C3: variants seen among roughly 807,000 people sequenced by gnomAD.
C3 encodes the protein C3 and PZP-like alpha-2-macroglobulin domain-containing protein 1.
C3 carries 97 observed loss-of-function variants against 207.9 expected under a neutral mutation model. The ratio of observed to expected loss-of-function variants is 0.47; its 90% CI spans 0.40 to 0.55. C3 has a LOEUF of 0.55. C3 is among the 20% of genes least tolerant of loss of function. The probability of loss-of-function intolerance (pLI) is 0.00; values close to 1 mark genes in which losing one functional copy is unlikely to be tolerated. For synonymous variants in C3, 848 were observed against 857.6 expected, an observed-to-expected ratio of 0.99 and a Z score of 0.20; for missense variants, 1,684 against 2,171.7, an observed-to-expected ratio of 0.78 and a Z score of 4.46.
At chr19:6,692,736 G>A (rs1193643131) in intron 26 of C3, among the ~76,000 whole-genome samples, 188 bp downstream of exon 26, 3 of 152,122 alleles carry the variant, frequency 2.0e-5, no homozygotes, top group Non-Finnish European at 4.4e-5. Context: ...GGGCTTCGCA[G>A]GTCTCTGGTT....
rs780379656 is a variant in C3 at position 6,690,603 on chromosome 19, A to G, written c.3489+26T>C. 6 of 1,575,012 alleles carry G rather than the reference A, an allele frequency of 3.8e-6. No individual in the cohort carries two copies. The African/African-American group carries it at 6.7e-5, about 18-fold the overall frequency. On this transcript the variant is annotated intron_variant, in intron 27 of 40. Transcript: ENST00000245907. ...TGCTCTGCATCGGGTAAGGTAGGGT[A>G]GGGTGGGAAGATGGAGGGCACTTAC... is the stretch of plus-strand genomic sequence containing the variant.
In C3 at chr19:6,711,014, C is replaced by T. The variant is rs146594928; in HGVS notation, c.1452G>A (p.Glu484=). The change falls in exon 12 of 41, where the codon GAG becomes GAA. Residue 484 remains glutamate, a synonymous_variant. Transcript: ENST00000245907. ...GGTAGGTGTAGTAGCGGATCTTGGCCTCGTGGGCGCGGTCCATTCGCAGGA... is the reference window on the plus strand; with the variant it reads ...GGTAGGTGTAGTAGCGGATCTTGGCTTCGTGGGCGCGGTCCATTCGCAGGA... ...NFLLRMDRAH[E]AKIRYYTYLI... 7.4e-4 allele frequency: 1,199 copies of T among 1,614,128 alleles called. No individual in the cohort carries two copies. The highest frequency in any genetic ancestry group is 9.5e-4 in the Non-Finnish European group (1,121 of 1,180,014).
At chr19:6,700,309 ATT>A (rs965689074) in intron 19 of C3, among the ~76,000 whole-genome samples, 1 of 123,944 alleles carries the variant, frequency 8.1e-6, no homozygotes, top group African/African-American at 2.9e-5. Context: ...TGCAATATAT[ATT>A]ATATGTAATA....
At chr19:6,692,849 G>C in intron 26 of C3, 75 bp downstream of exon 26, 1 of 1,544,346 alleles carries the variant, frequency 6.5e-7, no homozygotes, top group Non-Finnish European at 8.9e-7. Flanking sequence ...ATGGAGGTGG[G>C]GCTCTCTCTC....
At chr19:6,686,317 T>C in intron 28 of C3, 30 bp from the exon 29 acceptor site, 3 of 1,612,316 alleles carry the variant, frequency 1.9e-6, no homozygotes, top group Non-Finnish European at 2.5e-6. Flanking sequence ...TCCCCAGTGC[T>C]CACTGCTCTG....
intron 4 of C3, chr19:6,717,782 G>T: frequency 1.9e-6 from 1 of 519,934 alleles, no homozygotes. Context: ...TGTGTATTGT[G>T]TTGTGTGTTG....
At chr19:6,690,435 A>G (rs1170434332) in intron 27 of C3, among the ~76,000 whole-genome samples, 194 bp downstream of exon 27, 1 of 152,226 alleles carries the variant, frequency 6.6e-6, no homozygotes, top group East Asian at 1.9e-4. Flanking sequence ...TTAACATGTG[A>G]AACTATTAGA....
rs1968127732 is a variant in C3 at position 6,719,890 on chromosome 19, C to A, written c.75-487G>T. Among the ~76,000 whole-genome samples the A allele has an allele frequency of 6.6e-6, 1 of 152,042 alleles. No individual in the cohort carries two copies. The highest frequency in any genetic ancestry group is 1.5e-5 in the Non-Finnish European group (1 of 68,024). On this transcript the variant is annotated intron_variant, in intron 1 of 40. Coordinates refer to ENST00000245907, the MANE Select transcript of C3 (RefSeq NM_000064.4). This position sits in a 1 kb window ranked among gnomAD's most constrained non-coding sequence, Gnocchi z 5.4. Reference sequence around the variant, plus strand: ...CTCTAAACCTCAAATCTTAGAGCACCCCAAACCCAGCCTAAACCTCCAACA... The same window carrying A: ...CTCTAAACCTCAAATCTTAGAGCACACCAAACCCAGCCTAAACCTCCAACA...
intron 14 of C3, among the ~76,000 whole-genome samples, chr19:6,709,157 T>A (rs1424700959): frequency 2.0e-5 from 3 of 152,036 alleles, no homozygotes. Context: ...GTTGAAAGTG[T>A]CCAATTCTCA....
intron 22 of C3, 48 bp downstream of exon 22, chr19:6,696,545 C>A: frequency 6.2e-7 from 1 of 1,604,330 alleles, no homozygotes; most frequent in African/African-American, 1.3e-5. Flanking sequence ...GTCATTTACC[C>A]CCCTTACCCT....
At chr19:6,688,770 C>G (rs1918078336) in intron 27 of C3, among the ~76,000 whole-genome samples, 1 of 152,220 alleles carries the variant, frequency 6.6e-6, no homozygotes, top group Admixed American at 6.5e-5. Context: ...CCATTTGCCT[C>G]TCTGACATCC....
chr19:6,713,995 G>A lies in C3; in HGVS notation c.770C>T (p.Ala257Val). The A allele has an allele frequency of 1.2e-6, 2 of 1,600,308 alleles. No individual in the cohort carries two copies. The highest frequency in any genetic ancestry group is 1.7e-6 in the Non-Finnish European group (2 of 1,172,308). ...GGCCCCACCCCCAGTCCCTCACCTG[G>A]CGGTGATGGTGACCTCCAGGCCCTT... is the stretch of plus-strand genomic sequence containing the variant. ...NEKGLEVTIT[A>V]RFLYGKKVEG... Residue 257 changes from alanine to valine, a missense_variant, in exon 7 of 41, where the codon GCC becomes GTC. Ala to Val is a moderately conservative substitution (Grantham distance 64, BLOSUM62 0). Transcript: ENST00000245907.
intron 6 of C3, 28 bp from the exon 7 acceptor site, chr19:6,714,110 C>T (rs770076073): frequency 2.8e-5 from 45 of 1,610,742 alleles, no homozygotes; most frequent in East Asian, 4.5e-5. Flanking sequence ...TTGGTGGGGC[C>T]GGCGCTGGGC....
Position 6,684,553 on chromosome 19 carries a change from C to G in C3, c.4120+7G>C. 1 of 1,611,038 alleles carries G rather than the reference C, an allele frequency of 6.2e-7. No homozygotes were observed. Among genetic ancestry groups the G allele is most frequent in the East Asian group, 2.2e-5 (1 of 44,872 alleles). Reference sequence around the variant, plus strand: ...AAGGTGACAGATAAGGCCTTGATTCCTTTTACCTGTTTCCGGTGCTGGTTT... The same window carrying G: ...AAGGTGACAGATAAGGCCTTGATTCGTTTTACCTGTTTCCGGTGCTGGTTT... On this transcript the variant is annotated splice_region_variant and intron_variant, in intron 32 of 40. Coordinates refer to ENST00000245907, the MANE Select transcript of C3 (RefSeq NM_000064.4).
chr19:6,704,440 GAA>G (rs1967731815), intron 17 of C3, among the ~76,000 whole-genome samples: 1 of 152,118 alleles, frequency 6.6e-6, no homozygotes, highest in South Asian at 2.1e-4. Flanking sequence ...AAAGTAGCTG[GAA>G]TCCCTTAAAA....
At position 6,715,919 on chromosome 19, in the gene C3, C is replaced by T. The variant is rs369708245; in HGVS notation, c.505-1473G>A. Among the ~76,000 whole-genome samples, 29 of 152,190 alleles carry T rather than the reference C, an allele frequency of 1.9e-4. No homozygotes were observed. The East Asian group carries it at 5.0e-3, about 26-fold the overall frequency. On this transcript the variant is annotated intron_variant, in intron 4 of 40. Transcript: ENST00000245907. ...GGATTATAGGAGTGAGCCACTGCACCTGGCCAAAAATCTGTTTTTCTAGCT... is the reference window on the plus strand; with the variant it reads ...GGATTATAGGAGTGAGCCACTGCACTTGGCCAAAAATCTGTTTTTCTAGCT...
Position 6,702,482 on chromosome 19 carries a change from T to G in C3, c.2343A>C (p.Pro781=). The G allele has an allele frequency of 6.2e-7, 1 of 1,612,446 alleles. No individual in the cohort carries two copies. The highest frequency in any genetic ancestry group is 8.5e-7 in the Non-Finnish European group (1 of 1,178,424). ...TACCCCGGCCTTACCCATTTTTCGG[T>G]GGCTCTTTCAAGTCCTCAACGTTCC... The part of the protein sequence containing the change: ...WLWNVEDLKE[P]PKNGISTKLM... The change falls in exon 18 of 41, where the codon CCA becomes CCC. Residue 781 remains proline, a synonymous_variant. Transcript: ENST00000245907.
At chr19:6,705,256 C>T (rs1337257031) in intron 17 of C3, among the ~76,000 whole-genome samples, 2 of 152,108 alleles carry the variant, frequency 1.3e-5, no homozygotes, top group Non-Finnish European at 2.9e-5. Flanking sequence ...TTCCCAGTGA[C>T]CCTCACACTA....
intron 26 of C3, among the ~76,000 whole-genome samples, chr19:6,691,008 A>G (rs970677451): frequency 6.6e-6 from 1 of 151,512 alleles, no homozygotes; most frequent in Non-Finnish European, 1.5e-5. Flanking sequence ...GCTTTTGTCT[A>G]GTAGGGAAGA....
Sources: gnomAD v4.1 joint callset for allele counts (sites outside exome capture counted in the v4.1 genomes callset) on GRCh38, gnomAD v4.1.1 for gene constraint, Gnocchi (gnomAD v3.1) non-coding constraint, MANE v1.5 for transcripts, NCBI Gene and HGNC (gene_info 2026-07-23, HGNC 2026-07-21) for gene names.